VWA3B: variants seen among roughly 807,000 people sequenced by gnomAD.
The protein encoded by VWA3B is von Willebrand factor A domain containing 3B.
Under a neutral mutation model 158.3 loss-of-function variants are expected in VWA3B, and 138 were observed. That is an observed-to-expected ratio of 0.87 (90% confidence interval 0.76 to 1.00). The LOEUF is 1.00. Among genes scored for constraint, VWA3B ranks in the 50% least tolerant of loss-of-function variants. The probability of loss-of-function intolerance (pLI) is 0.00; values close to 1 mark genes in which losing one functional copy is unlikely to be tolerated. For missense variants in VWA3B, 1,555 were observed against 1,565.1 expected (o/e 0.99, Z 0.11); for synonymous variants, 596 against 587.3 (o/e 1.01, Z -0.21).
chr2:98,285,179 T>C lies in VWA3B; in HGVS notation c.3046-5332T>C, dbSNP rs1689092633. Among the ~76,000 whole-genome samples, 5 of 152,304 alleles carry C rather than the reference T, an allele frequency of 3.3e-5. No homozygotes were observed. The South Asian group carries it at 1.0e-3, about 32-fold the overall frequency. On this transcript the variant is annotated intron_variant, in intron 22 of 27. Transcript: ENST00000477737. Reference sequence around the variant, plus strand: ...ATCTTCCTCCTAACAAGATCCCTCATGCCCATTTGCAGTCACTCTCTGTTC... The same window carrying C: ...ATCTTCCTCCTAACAAGATCCCTCACGCCCATTTGCAGTCACTCTCTGTTC...
chr2:98,095,249 A>T (rs1220902984), intron 2 of VWA3B, among the ~76,000 whole-genome samples: 1 of 152,168 alleles, frequency 6.6e-6, no homozygotes, highest in African/African-American at 2.4e-5. Flanking sequence ...TCATCTTTCC[A>T]ATCTATGAAC....
chr2:98,175,293 G>A lies in VWA3B; in HGVS notation c.1115-5723G>A, dbSNP rs145515267. On this transcript the variant is annotated intron_variant, in intron 8 of 27. Transcript: ENST00000477737. ...TTTTAAATATGTCAAAGAACTACAG[G>A]AAACTATGTCTAAAGAACATAGGAA... Among the ~76,000 whole-genome samples, 460 of 152,154 alleles carry A rather than the reference G, an allele frequency of 3.0e-3. 3 individuals are homozygous for A. The highest frequency in any genetic ancestry group is 0.01 in the African/African-American group (426 of 41,502).
Position 98,144,385 on chromosome 2 carries a change from C to G in VWA3B, c.988+10446C>G, listed in dbSNP as rs950782363. The stretch of plus-strand genomic sequence containing the variant: ...TTCTCTTCTGTAATCCTAATTCCTA[C>G]TTTTTTTTTTTAGTTCTATCACTAA... On this transcript the variant is annotated intron_variant, in intron 7 of 27. Coordinates refer to ENST00000477737, the MANE Select transcript of VWA3B (RefSeq NM_144992.5). Among the ~76,000 whole-genome samples, 3 of 145,798 alleles carry G rather than the reference C, an allele frequency of 2.1e-5. No individual in the cohort carries two copies. The East Asian group carries it at 5.9e-4, about 29-fold the overall frequency.
At chr2:98,256,572 T>G (rs1261137261) in intron 21 of VWA3B, among the ~76,000 whole-genome samples, 3 of 152,214 alleles carry the variant, frequency 2.0e-5, no homozygotes, top group African/African-American at 7.2e-5. Context: ...ACACCACGTT[T>G]GTCTGTCCAT....
intron 23 of VWA3B, 91 bp downstream of exon 23, chr2:98,290,713 C>T (rs1316789895): frequency 1.1e-6 from 1 of 901,762 alleles, no homozygotes; most frequent in Admixed American, 2.5e-5. Context: ...TGCTAGAACA[C>T]TGACATTTCA....
chr2:98,167,110 A>G (rs947544655), intron 8 of VWA3B, among the ~76,000 whole-genome samples: 6 of 152,166 alleles, frequency 3.9e-5, no homozygotes, highest in African/African-American at 1.4e-4. Context: ...CAGGGCCTGC[A>G]GACCCCAGGA....
chr2:98,116,223 G>A (rs565963441), intron 3 of VWA3B, among the ~76,000 whole-genome samples: 73 of 152,184 alleles, frequency 4.8e-4, no homozygotes, highest in Non-Finnish European at 7.3e-4. Flanking sequence ...ACCACATGGA[G>A]CTCAAAGTCT....
chr2:98,315,697 G>T (rs952844173), downstream of VWA3B, among the ~76,000 whole-genome samples: 2 of 152,114 alleles, frequency 1.3e-5, no homozygotes, highest in African/African-American at 4.8e-5. Context: ...CCTTATAAAA[G>T]GTGGATGGGT....
chr2:98,211,808 T>A (rs1335056333), intron 12 of VWA3B, 122 bp from the exon 13 acceptor site: 1 of 781,364 alleles, frequency 1.3e-6, no homozygotes, highest in Non-Finnish European at 2.1e-6. Flanking sequence ...TATCTCAATG[T>A]AATTATTTAT....
At chr2:98,268,495 C>T (rs1305379884) in intron 21 of VWA3B, among the ~76,000 whole-genome samples, 1 of 152,070 alleles carries the variant, frequency 6.6e-6, no homozygotes, top group East Asian at 1.9e-4. Flanking sequence ...TTATTGTATT[C>T]TTCAGCTCTA....
At chr2:98,193,840 G>A (rs1163539351) in intron 11 of VWA3B, among the ~76,000 whole-genome samples, 2 of 151,720 alleles carry the variant, frequency 1.3e-5, no homozygotes, top group Non-Finnish European at 2.9e-5. Context: ...CGCCCGCCTC[G>A]GCCTCCCAAA....
chr2:98,299,169 C>T (rs1344301650), intron 24 of VWA3B, among the ~76,000 whole-genome samples: 1 of 152,182 alleles, frequency 6.6e-6, no homozygotes, highest in Non-Finnish European at 1.5e-5. Flanking sequence ...CACAAATTGG[C>T]CCCAGATTCC....
intron 21 of VWA3B, among the ~76,000 whole-genome samples, chr2:98,257,333 A>G (rs1385512471): frequency 6.6e-6 from 1 of 152,058 alleles, no homozygotes; most frequent in African/African-American, 2.4e-5. Context: ...ATAGTATTCC[A>G]TTGTGTATAT....
At chr2:98,122,550 T>C (rs191147437) in intron 5 of VWA3B, among the ~76,000 whole-genome samples, 2 of 152,336 alleles carry the variant, frequency 1.3e-5, no homozygotes, top group East Asian at 3.8e-4. Flanking sequence ...CCTTGGTCCT[T>C]TGAGTTTGTT....
At chr2:98,172,421 C>T (rs376462971) in intron 8 of VWA3B, among the ~76,000 whole-genome samples, 5 of 152,278 alleles carry the variant, frequency 3.3e-5, no homozygotes, top group African/African-American at 1.2e-4. Flanking sequence ...GTGTGTTCCT[C>T]CTCCGATATG....
chr2:98,250,577 C>A, intron 20 of VWA3B, 141 bp downstream of exon 20: 1 of 671,398 alleles, frequency 1.5e-6, no homozygotes, highest in Non-Finnish European at 2.4e-6. Flanking sequence ...TGTGGTAGTT[C>A]ATGCCTGTAA....
intron 1 of VWA3B, among the ~76,000 whole-genome samples, chr2:98,091,165 G>A (rs566202220): frequency 6.6e-6 from 1 of 152,268 alleles, no homozygotes; most frequent in African/African-American, 2.4e-5. Context: ...CAGTCCTACT[G>A]GAATGCAGAT....
At chr2:98,133,361 T>C (rs1676020578) in intron 6 of VWA3B, among the ~76,000 whole-genome samples, 1 of 152,174 alleles carries the variant, frequency 6.6e-6, no homozygotes, top group South Asian at 2.1e-4. Flanking sequence ...TAAAGTTGAC[T>C]GATGCCCATC....
At chr2:98,172,578 CCA>C (rs938310095) in intron 8 of VWA3B, among the ~76,000 whole-genome samples, 2 of 152,178 alleles carry the variant, frequency 1.3e-5, no homozygotes, top group Non-Finnish European at 2.9e-5. Flanking sequence ...TAGCCAGGGT[CCA>C]CACCCTTCCT....
Sources: gnomAD v4.1 joint callset for allele counts (sites outside exome capture counted in the v4.1 genomes callset) on GRCh38, gnomAD v4.1.1 for gene constraint, MANE v1.5 for transcripts, NCBI Gene and HGNC (gene_info 2026-07-23, HGNC 2026-07-21) for gene names.